JARID2: variants seen among roughly 807,000 people sequenced by gnomAD.
JARID2 encodes protein Jumonji.
Under a neutral mutation model 125.6 loss-of-function variants are expected in JARID2, and 21 were observed. The observed-to-expected ratio is 0.17, with a 90% confidence interval of 0.12 to 0.24. JARID2 has a LOEUF of 0.24. Ranked by LOEUF, JARID2 falls within the 10% of genes least tolerant of loss-of-function variation. JARID2 has a pLI of 1.00. For synonymous variants in JARID2, 736 were observed against 661.6 expected, an observed-to-expected ratio of 1.11 and a Z score of -1.73; for missense variants, 1,303 against 1,639.6, an observed-to-expected ratio of 0.79 and a Z score of 3.55.
chr6:15,318,366 G>C (rs1762246606), intron 1 of JARID2, among the ~76,000 whole-genome samples: 4 of 152,258 alleles, frequency 2.6e-5, no homozygotes, highest in Admixed American at 2.6e-4. Flanking sequence ...GCAGTGAGGT[G>C]CAGGGGGATG....
chr6:15,273,046 A>G (rs1194028268), intron 1 of JARID2, among the ~76,000 whole-genome samples: 3 of 152,156 alleles, frequency 2.0e-5, no homozygotes, highest in African/African-American at 7.2e-5. Flanking sequence ...GTAAGTTGCC[A>G]TCTATAGAGA....
intron 4 of JARID2, among the ~76,000 whole-genome samples, chr6:15,455,071 C>CTA (rs1768096120): frequency 6.6e-6 from 1 of 151,830 alleles, no homozygotes; most frequent in African/African-American, 2.4e-5. Flanking sequence ...GTTGTGCCGT[C>CTA]TATAGTCCAT....
At chr6:15,430,454 G>C (rs773574807) in intron 3 of JARID2, among the ~76,000 whole-genome samples, 7 of 152,072 alleles carry the variant, frequency 4.6e-5, no homozygotes, top group Non-Finnish European at 7.4e-5. Flanking sequence ...GTTTATATGT[G>C]GTTGCCAATT....
chr6:15,282,103 C>G (rs13197919), intron 1 of JARID2, among the ~76,000 whole-genome samples: 2 of 151,948 alleles, frequency 1.3e-5, no homozygotes, highest in South Asian at 4.1e-4. Flanking sequence ...CCATCATGCT[C>G]GACCAATTTC....
At position 15,332,223 on chromosome 6, in the gene JARID2, G is replaced by A. The variant is rs531826752; in HGVS notation, c.46-41894G>A. ...ATTGATAATTTATTAATATTTACAG[G>A]GCATGTCAAATGGTTCTGTGAGAAA... is the stretch of plus-strand genomic sequence containing the variant. On this transcript the variant is annotated intron_variant, in intron 1 of 17. Coordinates refer to ENST00000341776, the MANE Select transcript of JARID2 (RefSeq NM_004973.4). Among the ~76,000 whole-genome samples, 21 of 152,120 alleles carry A rather than the reference G, an allele frequency of 1.4e-4. No homozygotes were observed. The East Asian group carries it at 3.9e-3, about 28-fold the overall frequency.
chr6:15,262,947 A>G (rs1395043836), intron 1 of JARID2, among the ~76,000 whole-genome samples: 1 of 152,130 alleles, frequency 6.6e-6, no homozygotes, highest in Non-Finnish European at 1.5e-5. Flanking sequence ...TATTACTACT[A>G]AATTTATTTT....
chr6:15,501,654 T>C (rs1255271084), intron 8 of JARID2, among the ~76,000 whole-genome samples: 32 of 152,048 alleles, frequency 2.1e-4, no homozygotes. Context: ...GGAAGTCCAA[T>C]ATCGAGGAAC....
At chr6:15,413,011 T>G (rs1246387703) in intron 3 of JARID2, among the ~76,000 whole-genome samples, 4 of 86,570 alleles carry the variant, frequency 4.6e-5, no homozygotes, top group African/African-American at 8.5e-5. Context: ...TGTTTTTGTT[T>G]TTTTTTTTTT....
At position 15,517,057 on chromosome 6, in the gene JARID2, G is replaced by A. The variant is rs537286538; in HGVS notation, c.3451-104G>A. 5.8e-4 allele frequency: 452 copies of A among 777,100 alleles called. 1 individual carries two copies. The African/African-American group carries it at 7.2e-3, about 12-fold the overall frequency. The allele number at this position is 777,100 out of a possible 1,614,324, so 48.1% of individuals were successfully genotyped here. On this transcript the variant is annotated intron_variant, in intron 16 of 17. Transcript: ENST00000341776. ...GGGTGCTGGGGCTACTCTGGCGCGG[G>A]CAGTGGGTGTGGTGGCTGCCCGGCC...
intron 3 of JARID2, among the ~76,000 whole-genome samples, chr6:15,438,557 A>T (rs1311884046): frequency 6.6e-6 from 1 of 152,150 alleles, no homozygotes; most frequent in Non-Finnish European, 1.5e-5. Context: ...TTTTCTGACA[A>T]TTCCAACTTC....
At chr6:15,406,163 C>T (rs1008470418) in intron 2 of JARID2, among the ~76,000 whole-genome samples, 11 of 152,126 alleles carry the variant, frequency 7.2e-5, no homozygotes, top group Admixed American at 2.0e-4. Context: ...TGGCCAGGCG[C>T]GGTGGCTCAC....
chr6:15,414,738 T>C (rs1443947579), intron 3 of JARID2, among the ~76,000 whole-genome samples: 1 of 152,192 alleles, frequency 6.6e-6, no homozygotes, highest in East Asian at 1.9e-4. Flanking sequence ...TTTCTTTTTC[T>C]TTTGATCATT....
At chr6:15,410,970 G>A (rs898726957) in intron 3 of JARID2, among the ~76,000 whole-genome samples, 1 of 152,166 alleles carries the variant, frequency 6.6e-6, no homozygotes, top group Non-Finnish European at 1.5e-5. Flanking sequence ...GTGGTTTCAT[G>A]GTCAAACAGT....
intron 1 of JARID2, among the ~76,000 whole-genome samples, chr6:15,352,504 A>G (rs1475266731): frequency 6.6e-6 from 1 of 152,212 alleles, no homozygotes; most frequent in Non-Finnish European, 1.5e-5. Context: ...GAAGGCTCCA[A>G]GCATGGCCTG....
chr6:15,317,604 A>G (rs941913495), intron 1 of JARID2, among the ~76,000 whole-genome samples: 2 of 151,104 alleles, frequency 1.3e-5, no homozygotes, highest in East Asian at 3.9e-4. Flanking sequence ...TTGCCGTGTA[A>G]CTGATGGGTC....
At chr6:15,406,212 T>C (rs1273190232) in intron 2 of JARID2, among the ~76,000 whole-genome samples, 1 of 152,110 alleles carries the variant, frequency 6.6e-6, no homozygotes, top group Non-Finnish European at 1.5e-5. Flanking sequence ...GAGACAGGTG[T>C]ATCACAAGGT....
intron 2 of JARID2, among the ~76,000 whole-genome samples, chr6:15,395,997 C>G (rs1003622695): frequency 1.3e-5 from 2 of 152,170 alleles, no homozygotes; most frequent in African/African-American, 4.8e-5. Context: ...CCTTTCTTCA[C>G]TATTCCTAAG....
chr6:15,433,248 C>A (rs1767043818), intron 3 of JARID2, among the ~76,000 whole-genome samples: 1 of 152,160 alleles, frequency 6.6e-6, no homozygotes, highest in South Asian at 2.1e-4. Flanking sequence ...TTATAGGGAC[C>A]TTTTCCTTTG....
At chr6:15,346,028 A>G (rs1223408119) in intron 1 of JARID2, among the ~76,000 whole-genome samples, 1 of 152,256 alleles carries the variant, frequency 6.6e-6, no homozygotes, top group East Asian at 1.9e-4. Flanking sequence ...TGTATTAGAA[A>G]TAATGAATTA....
Sources: allele counts gnomAD v4.1 joint callset (sites outside exome capture counted in the v4.1 genomes callset), GRCh38; gene constraint gnomAD v4.1.1; transcripts MANE v1.5; gene names NCBI Gene and HGNC (gene_info 2026-07-23, HGNC 2026-07-21).